LITAF: variants seen among roughly 807,000 people sequenced by gnomAD.
LITAF encodes the protein lipopolysaccharide-induced tumor necrosis factor-alpha factor.
In LITAF, 9 loss-of-function variants were observed where a neutral mutation model predicts 14.5. That is an observed-to-expected ratio of 0.62 (90% CI 0.37 to 1.08). The LOEUF (loss-of-function observed/expected upper bound fraction) is 1.08, where lower values mean the gene tolerates loss of function less well. LITAF is among the 50% of genes least tolerant of loss of function. The pLI is 0.01. For synonymous variants in LITAF, 98 were observed against 88.2 expected (o/e 1.11, Z -0.62); for missense variants, 206 against 213.4 (o/e 0.97, Z 0.22).
intron 3 of LITAF, among the ~76,000 whole-genome samples, chr16:11,616,654 C>T (rs2065021298): frequency 6.6e-6 from 1 of 151,988 alleles, no homozygotes; most frequent in Non-Finnish European, 1.5e-5. Flanking sequence ...CACAGGCTAC[C>T]CTCTGGCCTT....
intron 3 of LITAF, among the ~76,000 whole-genome samples, chr16:11,615,233 C>T (rs536739994): frequency 7.0e-4 from 107 of 152,166 alleles, no homozygotes; most frequent in African/African-American, 2.5e-3. Flanking sequence ...GCATGGGCAA[C>T]AACTCAGAGG....
In LITAF at chr16:11,579,220, G is replaced by A. The variant is rs374014423; in HGVS notation, c.-6+7666C>T. Among the ~76,000 whole-genome samples, 8 of 152,002 alleles carry A rather than the reference G, an allele frequency of 5.3e-5. No homozygotes were observed. The East Asian group carries it at 7.7e-4, about 15-fold the overall frequency. On this transcript the variant is annotated intron_variant, in intron 1 of 3. Transcript: ENST00000622633. ...AATAAAACACAGTTTGGGAGGCCGA[G>A]GCAGGTGGATCATGAGGTCAGGAGA...
chr16:11,632,710 C>T lies in LITAF; in HGVS notation c.85+823G>A, dbSNP rs566834993. Among the ~76,000 whole-genome samples the T allele has an allele frequency of 5.3e-5, 8 of 152,344 alleles. No homozygotes were observed. The highest frequency in any genetic ancestry group is 1.7e-4 in the African/African-American group (7 of 41,578). On this transcript the variant is annotated intron_variant, in intron 3 of 3. Coordinates refer to the LITAF transcript ENST00000574848. This position sits in a 1 kb window ranked among gnomAD's most constrained non-coding sequence, Gnocchi z 4.8. ...CACCCAGGCCCTTCTTTCGGTTCTG[C>T]AAATGCCACTGGCTCTGCTGGCTCT...
At chr16:11,604,416 G>A (rs2064943864) in intron 3 of LITAF, among the ~76,000 whole-genome samples, 1 of 152,062 alleles carries the variant, frequency 6.6e-6, no homozygotes, top group African/African-American at 2.4e-5. Flanking sequence ...TAAATATATT[G>A]TTTAGATAGC....
At position 11,614,287 on chromosome 16, in the gene LITAF, C is replaced by A. The variant is rs538763313; in HGVS notation, c.85+19246G>T. 3.5e-3 allele frequency among the ~76,000 whole-genome samples: 513 copies of A among 145,906 alleles called. 1 individual carries two copies. Among genetic ancestry groups the A allele is most frequent in the African/African-American group, 0.013 (493 of 38,418 alleles). On this transcript the variant is annotated intron_variant, in intron 3 of 3. Transcript: ENST00000574848. Reference sequence around the variant, plus strand: ...TTCTCCTTCTTCTTTCCTCTTCTTTCTTTTTCTTTTCTTTTTTTTTTTTTT... The same window carrying A: ...TTCTCCTTCTTCTTTCCTCTTCTTTATTTTTCTTTTCTTTTTTTTTTTTTT...
Position 11,632,084 on chromosome 16 carries a change from G to T in LITAF, c.85+1449C>A, listed in dbSNP as rs1206351446. ...GGGTTTCACCGTGTTAACCAGGATGGTCTTGATCTCCTGACCTCGTGATCC... is the reference window on the plus strand; with the variant it reads ...GGGTTTCACCGTGTTAACCAGGATGTTCTTGATCTCCTGACCTCGTGATCC... On this transcript the variant is annotated intron_variant, in intron 3 of 3. Coordinates refer to the LITAF transcript ENST00000574848. This position sits in a 1 kb window ranked among gnomAD's most constrained non-coding sequence, Gnocchi z 4.8. Among the ~76,000 whole-genome samples the T allele has an allele frequency of 6.6e-6, 1 of 150,990 alleles. No individual in the cohort carries two copies. Among genetic ancestry groups the T allele is most frequent in the African/African-American group, 2.4e-5 (1 of 41,038 alleles).
At chr16:11,567,568 G>C (rs546928109) in intron 1 of LITAF, among the ~76,000 whole-genome samples, 1 of 152,350 alleles carries the variant, frequency 6.6e-6, no homozygotes, top group African/African-American at 2.4e-5. Context: ...AGACTGGTTG[G>C]TTCATTTTTT....
intron 1 of LITAF, among the ~76,000 whole-genome samples, chr16:11,593,931 C>T (rs1325677412): frequency 2.0e-5 from 3 of 152,062 alleles, no homozygotes; most frequent in African/African-American, 7.2e-5. Flanking sequence ...AATTCCAGTA[C>T]TTTGGGAGGC....
chr16:11,611,523 C>T (rs1280572306), intron 3 of LITAF, among the ~76,000 whole-genome samples: 1 of 152,170 alleles, frequency 6.6e-6, no homozygotes, highest in Non-Finnish European at 1.5e-5. Context: ...AGCAGCCTTT[C>T]CCCTAGAGGA....
At chr16:11,638,944 C>T (rs1191941639), upstream of LITAF, among the ~76,000 whole-genome samples, 2 of 151,526 alleles carry the variant, frequency 1.3e-5, no homozygotes, top group African/African-American at 2.4e-5. Context: ...TATTTAAACG[C>T]GTAACAAATT....
rs529197675 is a variant in LITAF, at chr16:11,555,004, T to A, written c.221-1315A>T. On this transcript the variant is annotated intron_variant, in intron 2 of 3. Coordinates refer to ENST00000622633, the MANE Select transcript of LITAF (RefSeq NM_001136472.2). ...AAAGACCCTCCTTCCAGAAAAGTAG[T>A]ATTAAATCATACTTTAGCACTTACG... Among the ~76,000 whole-genome samples the A allele has an allele frequency of 3.3e-5, 5 of 152,210 alleles. No homozygotes were observed. In the South Asian group the frequency reaches 1.0e-3, roughly 32 times the overall value.
chr16:11,554,389 A>G (rs1176497571), intron 2 of LITAF, among the ~76,000 whole-genome samples: 1 of 152,238 alleles, frequency 6.6e-6, no homozygotes, highest in Non-Finnish European at 1.5e-5. Context: ...TCTGTAAGAC[A>G]ACAAGCTAGT....
chr16:11,583,641 A>C (rs1167802113), intron 1 of LITAF, among the ~76,000 whole-genome samples: 1 of 152,190 alleles, frequency 6.6e-6, no homozygotes, highest in East Asian at 1.9e-4. Flanking sequence ...ATTTCAAACT[A>C]TCAGTGCATC....
chr16:11,608,420 G>A (rs2064965670), intron 3 of LITAF, among the ~76,000 whole-genome samples: 2 of 152,202 alleles, frequency 1.3e-5, no homozygotes, highest in African/African-American at 4.8e-5. Context: ...CCCGTAGGCA[G>A]GAATTTGAGC....
At chr16:11,586,928 C>A (rs916959820), upstream of LITAF, 1 of 151,252 alleles carries the variant, frequency 6.6e-6, no homozygotes, top group Non-Finnish European at 1.5e-5. This position sits in a 1 kb window ranked among gnomAD's most constrained non-coding sequence, Gnocchi z 6.5. Context: ...CTGAGCTGGC[C>A]TCTCGGGCGC....
At chr16:11,620,189 G>A (rs1597373785) in intron 3 of LITAF, among the ~76,000 whole-genome samples, 12 of 149,708 alleles carry the variant, frequency 8.0e-5, no homozygotes, top group African/African-American at 2.5e-4. Flanking sequence ...AAAAAGAAAA[G>A]AAAAGAAAAA....
At chr16:11,614,978 G>T (rs780510967) in intron 3 of LITAF, among the ~76,000 whole-genome samples, 12 of 152,186 alleles carry the variant, frequency 7.9e-5, no homozygotes, top group Non-Finnish European at 1.8e-4. Flanking sequence ...AGATGGGGCC[G>T]GGTCTGAGTG....
At chr16:11,559,115 G>T (rs754597637) in intron 1 of LITAF, among the ~76,000 whole-genome samples, 3 of 152,034 alleles carry the variant, frequency 2.0e-5, no homozygotes, top group Non-Finnish European at 4.4e-5. Context: ...AATTAGCCAG[G>T]CATGGTGTTG....
intron 1 of LITAF, among the ~76,000 whole-genome samples, chr16:11,582,225 T>C (rs35358341): frequency 0.039 from 5,786 of 149,812 alleles, 169 homozygotes; most frequent in Middle Eastern, 0.13. Context: ...TTATTATGTG[T>C]CAACTAAAAA....
Sources: allele counts gnomAD v4.1 joint callset (sites outside exome capture counted in the v4.1 genomes callset), GRCh38; gene constraint gnomAD v4.1.1; non-coding constraint Gnocchi (gnomAD v3.1); transcripts MANE v1.5; gene names NCBI Gene and HGNC (gene_info 2026-07-23, HGNC 2026-07-21).